KLHL36: variants seen among roughly 807,000 people sequenced by gnomAD.
KLHL36 encodes kelch like family member 36, also known as kelch-like protein 36.
Under a neutral mutation model 53.3 loss-of-function variants are expected in KLHL36, and 35 were observed. The ratio of observed to expected loss-of-function variants is 0.66; its 90% CI spans 0.50 to 0.87. The LOEUF (loss-of-function observed/expected upper bound fraction) is 0.87. Among genes scored for constraint, KLHL36 ranks in the 40% least tolerant of loss-of-function variants. KLHL36 has a pLI of 0.00. For missense variants in KLHL36, 864 were observed against 897.6 expected (o/e 0.96, Z 0.48); for synonymous variants, 472 against 398.9 (o/e 1.18, Z -2.18).
chr16:84,655,070 C>T (rs1477353354), intron 2 of KLHL36, among the ~76,000 whole-genome samples: 1 of 152,210 alleles, frequency 6.6e-6, no homozygotes, highest in Non-Finnish European at 1.5e-5. Context: ...TAGAGATCTC[C>T]ACGTGTGTGA....
At position 84,663,816 on chromosome 16, in the gene KLHL36, A is replaced by AAC. The variant is rs1907693054; in HGVS notation, c.*1683_*1684insAC. 1 of 152,138 alleles carries AAC rather than the reference A, an allele frequency of 6.6e-6. No individual in the cohort carries two copies. The highest frequency in any genetic ancestry group is 1.5e-5 in the Non-Finnish European group (1 of 68,024). The allele number at this position is 152,138 out of a possible 1,614,324, so 9.4% of individuals were successfully genotyped here. A position where few individuals can be genotyped will look rare whatever the true frequency, so the allele number is the denominator to read the frequency against. On this transcript the variant is annotated 3_prime_UTR_variant, in exon 5 of 5. Coordinates refer to ENST00000564996, the MANE Select transcript of KLHL36 (RefSeq NM_024731.4). ...TACTGTGGTTCTCACTGGTCTGTTT[A>AAC]TGTAGCCATCCAGAAGAGATGAGAG... is the stretch of plus-strand genomic sequence containing the variant.
chr16:84,656,562 G>A (rs140580177), intron 2 of KLHL36, among the ~76,000 whole-genome samples: 77 of 151,222 alleles, frequency 5.1e-4, no homozygotes, highest in Non-Finnish European at 8.6e-4. Context: ...AACCCGGGAG[G>A]CAGAGGTTGC....
intron 2 of KLHL36, among the ~76,000 whole-genome samples, chr16:84,653,716 G>A (rs373173177): frequency 1.3e-5 from 2 of 151,786 alleles, no homozygotes; most frequent in Admixed American, 6.6e-5. Context: ...GGTACATGCC[G>A]GTAGTCCCAG....
At chr16:84,658,954 T>G (rs2150726692) in intron 3 of KLHL36, 1 of 152,230 alleles carries the variant, frequency 6.6e-6, no homozygotes, top group South Asian at 2.1e-4. Context: ...AGCAGTGTGT[T>G]TGCCTTGGAT....
chr16:84,657,667 G>T lies in KLHL36; in HGVS notation c.860G>T (p.Arg287Leu). The T allele has an allele frequency of 6.2e-7, 1 of 1,612,444 alleles. No individual in the cohort carries two copies. The highest frequency in any genetic ancestry group is 8.5e-7 in the Non-Finnish European group (1 of 1,179,696). Residue 287 changes from arginine (R) to leucine (L), a missense_variant, in exon 3 of 5, where the codon CGC becomes CTC. Arg to Leu is a moderately radical substitution (Grantham distance 102). Transcript: ENST00000564996. ...LAAQPVMQTKRTALRTNQERL... is the reference protein window; with the variant it reads ...LAAQPVMQTKLTALRTNQERL... The stretch of plus-strand genomic sequence containing the variant: ...GCCCAGCCCGTCATGCAGACCAAGC[G>T]CACGGCGCTGCGCACCAACCAGGAG...
chr16:84,658,084 G>A (rs1052798529), intron 3 of KLHL36, 140 bp downstream of exon 3: 198 of 685,870 alleles, frequency 2.9e-4, no homozygotes, highest in African/African-American at 2.6e-3. Context: ...GTGACGAGCA[G>A]AATACCCCGG....
chr16:84,660,021 G>C, intron 4 of KLHL36, 104 bp downstream of exon 4: 2 of 1,145,692 alleles, frequency 1.7e-6, no homozygotes, highest in Non-Finnish European at 2.5e-6. Context: ...CCAATTCCAG[G>C]AATGAAATCT....
chr16:84,662,034 C>T lies in KLHL36; in HGVS notation c.1752C>T (p.Ala584=), dbSNP rs1483373269. 2 of 1,586,770 alleles carry T rather than the reference C, an allele frequency of 1.3e-6. No individual in the cohort carries two copies. The highest frequency in any genetic ancestry group is 1.7e-6 in the Non-Finnish European group (2 of 1,167,926). The change falls in exon 5 of 5, where the codon GCC becomes GCT. Residue 584 remains alanine (A), a synonymous_variant. Coordinates refer to ENST00000564996, the MANE Select transcript of KLHL36 (RefSeq NM_024731.4). ...GCAGGGGCGTCGACCTGCCCAAGGCCATCGCTGGCGGGTCCGCCTGTGTCT... is the reference window on the plus strand; with the variant it reads ...GCAGGGGCGTCGACCTGCCCAAGGCTATCGCTGGCGGGTCCGCCTGTGTCT... ...KWSRGVDLPK[A]IAGGSACVCA... is the part of the protein sequence containing the mutation.
chr16:84,649,227 C>T (rs985487043), intron 1 of KLHL36: 2 of 152,414 alleles, frequency 1.3e-5, no homozygotes, highest in African/African-American at 4.8e-5. Flanking sequence ...CGTCGGAGGC[C>T]GCTGACGTCC....
intron 4 of KLHL36, 46 bp downstream of exon 4, chr16:84,659,963 AG>A (rs760226723): frequency 6.3e-6 from 10 of 1,578,756 alleles, no homozygotes; most frequent in Middle Eastern, 3.4e-4. Context: ...GATGTTTTTA[AG>A]GGACATAGTT....
intron 2 of KLHL36, among the ~76,000 whole-genome samples, chr16:84,651,652 C>A (rs1906890036): frequency 6.6e-6 from 1 of 152,058 alleles, no homozygotes; most frequent in Admixed American, 6.6e-5. Context: ...GAGATTAAAT[C>A]TTATGGTTAC....
At position 84,651,334 on chromosome 16, in the gene KLHL36, G is replaced by A. The variant is rs115923271; in HGVS notation, c.63+404G>A. Among the ~76,000 whole-genome samples, 451 of 152,286 alleles carry A rather than the reference G, an allele frequency of 3.0e-3. 4 individuals are homozygous for A. The highest frequency in any genetic ancestry group is 0.01 in the African/African-American group (426 of 41,540). Reference sequence around the variant, plus strand: ...CCTTAGGGTGAGGGCAACACACCGTGTACCCGGACCCCAAGGGCCTGGAGT... The same window carrying A: ...CCTTAGGGTGAGGGCAACACACCGTATACCCGGACCCCAAGGGCCTGGAGT... On this transcript the variant is annotated intron_variant, in intron 2 of 4. Coordinates refer to ENST00000564996, the MANE Select transcript of KLHL36 (RefSeq NM_024731.4).
chr16:84,655,113 G>C (rs1907124503), intron 2 of KLHL36, among the ~76,000 whole-genome samples: 1 of 152,256 alleles, frequency 6.6e-6, no homozygotes, highest in Non-Finnish European at 1.5e-5. Context: ...TGGAATGGAA[G>C]AGCGGGAGAG....
chr16:84,659,951 G>C (rs1907451169), intron 4 of KLHL36, 34 bp downstream of exon 4: 1 of 1,589,912 alleles, frequency 6.3e-7, no homozygotes, highest in Non-Finnish European at 8.6e-7. Context: ...TTCTCCAAAT[G>C]GGATGTTTTT....
intron 2 of KLHL36, among the ~76,000 whole-genome samples, chr16:84,652,427 T>G (rs1906944769): frequency 6.6e-6 from 1 of 152,118 alleles, no homozygotes; most frequent in African/African-American, 2.4e-5. Flanking sequence ...CATGCCACCA[T>G]GCCCAGCTAA....
rs1183574985 is a variant in KLHL36, at chr16:84,663,705, T to C, written c.*1572T>C. 6.6e-6 allele frequency: 1 copy of C among 152,278 alleles called. No individual in the cohort carries two copies. Among genetic ancestry groups the C allele is most frequent in the Non-Finnish European group, 1.5e-5 (1 of 68,046 alleles). 9.4% of individuals were successfully genotyped at this position (152,278 alleles called of 1,614,324 possible). A position where few individuals can be genotyped will look rare whatever the true frequency, so the allele number is the denominator to read the frequency against. Reference sequence around the variant, plus strand: ...GAGGATCAATGTGTTAAGATTGATATTAGACTAGGAAAAAAATCTTAGTTA... The same window carrying C: ...GAGGATCAATGTGTTAAGATTGATACTAGACTAGGAAAAAAATCTTAGTTA... On this transcript the variant is annotated 3_prime_UTR_variant, in exon 5 of 5. Transcript: ENST00000564996.
rs1164864075 is a variant in KLHL36, at chr16:84,661,057, G to T, written c.1296-521G>T. Among the ~76,000 whole-genome samples the T allele has an allele frequency of 6.6e-6, 1 of 152,090 alleles. No homozygotes were observed. The highest frequency in any genetic ancestry group is 2.4e-5 in the African/African-American group (1 of 41,386). Reference sequence around the variant, plus strand: ...CAGCATCACGCAGAATCATTTCACTGCCCTAAAGCCCACTGTGTGCGTGCT... The same window carrying T: ...CAGCATCACGCAGAATCATTTCACTTCCCTAAAGCCCACTGTGTGCGTGCT... On this transcript the variant is annotated intron_variant, in intron 4 of 4. Coordinates refer to ENST00000564996, the MANE Select transcript of KLHL36 (RefSeq NM_024731.4). This position sits in a 1 kb window ranked among gnomAD's most constrained non-coding sequence, Gnocchi z 7.9.
chr16:84,657,341 G>A lies in KLHL36; in HGVS notation c.534G>A (p.Leu178=). 2 of 1,613,048 alleles carry A rather than the reference G, an allele frequency of 1.2e-6. No individual in the cohort carries two copies. The highest frequency in any genetic ancestry group is 1.7e-6 in the Non-Finnish European group (2 of 1,180,032). ...TCATCCTGAACCACTTCGGCACGCT[G>A]TCCTTTACGCCCGACTTCCTGCAGA... The part of the protein sequence containing the change: ...DGFILNHFGT[L]SFTPDFLQNV... Residue 178 remains leucine (L), a synonymous_variant, in exon 3 of 5, where the codon CTG becomes CTA. Coordinates refer to ENST00000564996, the MANE Select transcript of KLHL36 (RefSeq NM_024731.4).
rs552296317 is a variant in KLHL36, at chr16:84,663,696, A to G, written c.*1563A>G. 1 of 152,360 alleles carries G rather than the reference A, an allele frequency of 6.6e-6. No homozygotes were observed. The highest frequency in any genetic ancestry group is 2.1e-4 in the South Asian group (1 of 4,832). The allele number at this position is 152,360 out of a possible 1,614,324, so 9.4% of individuals were successfully genotyped here. A position where few individuals can be genotyped will look rare whatever the true frequency, so the allele number is the denominator to read the frequency against. ...CGAGTGGATGAGGATCAATGTGTTA[A>G]GATTGATATTAGACTAGGAAAAAAA... On this transcript the variant is annotated 3_prime_UTR_variant, in exon 5 of 5. Coordinates refer to ENST00000564996, the MANE Select transcript of KLHL36 (RefSeq NM_024731.4).
Sources: allele counts gnomAD v4.1 joint callset (sites outside exome capture counted in the v4.1 genomes callset), GRCh38; gene constraint gnomAD v4.1.1; non-coding constraint Gnocchi (gnomAD v3.1); transcripts MANE v1.5; gene names NCBI Gene and HGNC (gene_info 2026-07-23, HGNC 2026-07-21).